RAPH1: variants seen among roughly 807,000 people sequenced by gnomAD.
The protein encoded by RAPH1 is Ras association (RalGDS/AF-6) and pleckstrin homology domains 1, also known as ras-associated and pleckstrin homology domains-containing protein 1.
RAPH1 carries 18 observed loss-of-function variants against 88.1 expected under a neutral mutation model. The ratio of observed to expected loss-of-function variants is 0.20; its 90% CI spans 0.14 to 0.30. The LOEUF (loss-of-function observed/expected upper bound fraction) is 0.30. RAPH1 is among the 10% of genes least tolerant of loss of function. The pLI is 1.00. For synonymous variants in RAPH1, 587 were observed against 559.0 expected (o/e 1.05, Z -0.71); for missense variants, 1,448 against 1,543.2 (o/e 0.94, Z 1.03).
In RAPH1 at chr2:203,448,944, T is replaced by C; in HGVS notation, c.1414-108A>G. 2 of 557,932 alleles carry C rather than the reference T, an allele frequency of 3.6e-6. No individual in the cohort carries two copies. Among genetic ancestry groups the C allele is most frequent in the Non-Finnish European group, 6.1e-6 (2 of 329,356 alleles). 34.6% of individuals were successfully genotyped at this position (557,932 alleles called of 1,614,324 possible). ...GACAAGTTATAGGCCATTAGAGTAA[T>C]GGCCAATACATTTATGCTTCTTATA... On this transcript the variant is annotated intron_variant, in intron 10 of 13. Coordinates refer to ENST00000319170, the MANE Select transcript of RAPH1 (RefSeq NM_213589.3). The surrounding 1 kb of genome is among the most constrained non-coding windows in gnomAD (Gnocchi z 4.1).
chr2:203,503,054 G>A (rs1688810096), intron 1 of RAPH1, among the ~76,000 whole-genome samples: 1 of 152,096 alleles, frequency 6.6e-6, no homozygotes, highest in African/African-American at 2.4e-5. Flanking sequence ...TGAGGCAGGA[G>A]AATCACTTGA....
rs2098500154 is a variant in RAPH1 at position 203,438,339 on chromosome 2, A to G, written c.*1098T>C. On this transcript the variant is annotated 3_prime_UTR_variant, in exon 14 of 14. Transcript: ENST00000319170. Reference sequence around the variant, plus strand: ...TGTTCTCTCATCACCCTTCCCTTCTATAGAGCAATGCTCAAAAAATGCATT... The same window carrying G: ...TGTTCTCTCATCACCCTTCCCTTCTGTAGAGCAATGCTCAAAAAATGCATT... The G allele has an allele frequency of 8.6e-6, 3 of 348,916 alleles. No homozygotes were observed. Among genetic ancestry groups the G allele is most frequent in the Admixed American group, 4.0e-5 (1 of 25,150 alleles). The allele number at this position is 348,916 out of a possible 1,614,324, so 21.6% of individuals were successfully genotyped here. A position where few individuals can be genotyped will look rare whatever the true frequency, so the allele number is the denominator to read the frequency against.
intron 1 of RAPH1, among the ~76,000 whole-genome samples, chr2:203,506,790 A>C (rs1364491907): frequency 3.2e-5 from 4 of 125,754 alleles, no homozygotes; most frequent in Non-Finnish European, 6.4e-5. Context: ...CTAGATATAT[A>C]TATCTATATA....
chr2:203,459,718 T>C (rs983028421), intron 7 of RAPH1, among the ~76,000 whole-genome samples, 189 bp downstream of exon 7: 2 of 152,158 alleles, frequency 1.3e-5, no homozygotes, highest in Non-Finnish European at 2.9e-5. Flanking sequence ...GCCTAACACG[T>C]GGGCACCAGC....
chr2:203,454,528 G>A lies in RAPH1; in HGVS notation c.1315C>T (p.Leu439=). 1 of 1,612,166 alleles carries A rather than the reference G, an allele frequency of 6.2e-7. No individual in the cohort carries two copies. Among genetic ancestry groups the A allele is most frequent in the Non-Finnish European group, 8.5e-7 (1 of 1,178,852 alleles). ...PKGKAKVSRD[L]VCFLQLDHVN... is the part of the protein sequence containing the mutation. ...TGATCCAGCTGGAGAAAGCACACCA[G>A]ATCCCGAGAGACCTAAGATAAAAAC... The change falls in exon 10 of 14, where the codon CTG becomes TTG. Residue 439 remains leucine (L), a synonymous_variant. Coordinates refer to ENST00000319170, the MANE Select transcript of RAPH1 (RefSeq NM_213589.3).
At chr2:203,478,938 G>C (rs1687599190) in intron 4 of RAPH1, among the ~76,000 whole-genome samples, 1 of 152,110 alleles carries the variant, frequency 6.6e-6, no homozygotes, top group Admixed American at 6.6e-5. Flanking sequence ...TTTTCCCTGT[G>C]TATTTTCTCA....
chr2:203,480,517 C>T (rs1020360081), intron 4 of RAPH1, among the ~76,000 whole-genome samples: 3 of 152,084 alleles, frequency 2.0e-5, no homozygotes, highest in Non-Finnish European at 4.4e-5. Context: ...CACTGCACTC[C>T]AGCCTAGGCA....
chr2:203,515,972 T>C (rs1581397590), intron 1 of RAPH1, among the ~76,000 whole-genome samples: 2 of 152,344 alleles, frequency 1.3e-5, no homozygotes, highest in South Asian at 4.1e-4. Context: ...GTATAACTTT[T>C]ACTCTTCTTA....
intron 4 of RAPH1, among the ~76,000 whole-genome samples, chr2:203,481,221 T>C (rs1687705891): frequency 6.6e-6 from 1 of 152,156 alleles, no homozygotes; most frequent in Non-Finnish European, 1.5e-5. Context: ...TTGTCTTGAT[T>C]TTCCTTCAGT....
chr2:203,510,926 T>A (rs898682600), intron 1 of RAPH1, among the ~76,000 whole-genome samples: 1 of 152,026 alleles, frequency 6.6e-6, no homozygotes. Context: ...AGAGTAAATA[T>A]TATGTATATC....
At chr2:203,481,924 G>A (rs1478425713) in intron 4 of RAPH1, among the ~76,000 whole-genome samples, 1 of 150,024 alleles carries the variant, frequency 6.7e-6, no homozygotes, top group Non-Finnish European at 1.5e-5. Context: ...TTCTATTATT[G>A]TCTAAAAAAA....
chr2:203,445,022 A>T lies in RAPH1; in HGVS notation c.1634-12T>A, dbSNP rs757766570. ...GTTTGACTGAGACTCTGTTTAAAAT[A>T]GTTTTTTAAACATAGGTTTAAAAGA... On this transcript the variant is annotated splice_polypyrimidine_tract_variant and intron_variant, in intron 12 of 13. Coordinates refer to ENST00000319170, the MANE Select transcript of RAPH1 (RefSeq NM_213589.3). 1.6e-5 allele frequency: 26 copies of T among 1,609,166 alleles called. No individual in the cohort carries two copies. The highest frequency in any genetic ancestry group is 3.4e-5 in the Admixed American group (2 of 58,740).
At chr2:203,525,040 C>T (rs1690051535) in intron 1 of RAPH1, among the ~76,000 whole-genome samples, 1 of 152,162 alleles carries the variant, frequency 6.6e-6, no homozygotes, top group Non-Finnish European at 1.5e-5. Flanking sequence ...AATCCCACTC[C>T]TTTATCCAAG....
chr2:203,528,393 C>T (rs1054055938), intron 1 of RAPH1, among the ~76,000 whole-genome samples: 5 of 152,134 alleles, frequency 3.3e-5, no homozygotes, highest in Non-Finnish European at 7.4e-5. Flanking sequence ...TTTATAAATA[C>T]AAATCCTCAC....
intron 1 of RAPH1, among the ~76,000 whole-genome samples, chr2:203,530,465 A>T (rs1405211850): frequency 6.6e-6 from 1 of 152,202 alleles, no homozygotes; most frequent in Non-Finnish European, 1.5e-5. Context: ...AGTCTTCAGG[A>T]TACTCTTCAA....
chr2:203,491,794 C>T (rs998280832), intron 2 of RAPH1, among the ~76,000 whole-genome samples: 1 of 152,196 alleles, frequency 6.6e-6, no homozygotes, highest in Non-Finnish European at 1.5e-5. Context: ...AGGCGTGAGC[C>T]ACCATATCTG....
chr2:203,485,439 C>T (rs1687923641), intron 4 of RAPH1, among the ~76,000 whole-genome samples: 1 of 150,148 alleles, frequency 6.7e-6, no homozygotes, highest in Admixed American at 6.7e-5. Flanking sequence ...AAGAGTTACA[C>T]TGCACACCAC....
intron 4 of RAPH1, among the ~76,000 whole-genome samples, chr2:203,465,434 G>C (rs528358378): frequency 6.6e-6 from 1 of 152,308 alleles, no homozygotes; most frequent in South Asian, 2.1e-4. Context: ...CACTGGAAAA[G>C]CCAAAACCAT....
chr2:203,473,168 C>T (rs907517426), intron 4 of RAPH1, among the ~76,000 whole-genome samples: 14 of 152,170 alleles, frequency 9.2e-5, no homozygotes, highest in Admixed American at 8.5e-4. Flanking sequence ...GAACTGTAAT[C>T]CCAGCTACTC....
Sources: gnomAD v4.1 joint callset for allele counts (sites outside exome capture counted in the v4.1 genomes callset) on GRCh38, gnomAD v4.1.1 for gene constraint, Gnocchi (gnomAD v3.1) non-coding constraint, MANE v1.5 for transcripts, NCBI Gene and HGNC (gene_info 2026-07-23, HGNC 2026-07-21) for gene names.